The following PXDN variants were observed in gnomAD, a reference collection of about 807,000 sequenced individuals.
The protein encoded by PXDN is peroxidasin homolog.
PXDN carries 77 observed loss-of-function variants against 140.3 expected under a neutral mutation model. That is an observed-to-expected ratio of 0.55 (90% confidence interval 0.46 to 0.66). The LOEUF is 0.66. PXDN is among the 30% of genes least tolerant of loss of function. The pLI is 0.00. For missense variants in PXDN, 1,838 were observed against 2,039.5 expected (o/e 0.90, Z 1.90); for synonymous variants, 911 against 857.4 (o/e 1.06, Z -1.09).
intron 2 of PXDN, among the ~76,000 whole-genome samples, chr2:1,692,738 AAC>A (rs35513437): frequency 0.34 from 51,848 of 152,070 alleles, 9,943 homozygotes; most frequent in Admixed American, 0.44. Flanking sequence ...GAGGTGCAGG[AAC>A]ACACAGAGGT....
intron 7 of PXDN, among the ~76,000 whole-genome samples, chr2:1,679,319 A>C (rs915322054): frequency 5.5e-5 from 6 of 109,550 alleles, no homozygotes; most frequent in African/African-American, 2.2e-4. Context: ...TGTGTCTATA[A>C]ATGGTTTGTG....
At chr2:1,743,012 G>C (rs1217254724) in intron 1 of PXDN, among the ~76,000 whole-genome samples, 1 of 152,252 alleles carries the variant, frequency 6.6e-6, no homozygotes, top group Non-Finnish European at 1.5e-5. Flanking sequence ...TAAGAAACGT[G>C]AAAACTATTT....
chr2:1,685,095 G>A lies in PXDN; in HGVS notation c.417-944C>T, dbSNP rs1038903645. ...GGTCTGTGGACATCCTGAGATCACCGTCACCACCAGGGCACCAGAGTGCGG... is the reference window on the plus strand; with the variant it reads ...GGTCTGTGGACATCCTGAGATCACCATCACCACCAGGGCACCAGAGTGCGG... On this transcript the variant is annotated intron_variant, in intron 4 of 22. Coordinates refer to ENST00000252804, the MANE Select transcript of PXDN (RefSeq NM_012293.3). The surrounding 1 kb of genome is among the most constrained non-coding windows in gnomAD (Gnocchi z 5.1). 1.3e-5 allele frequency among the ~76,000 whole-genome samples: 2 copies of A among 152,332 alleles called. No homozygotes were observed. The highest frequency in any genetic ancestry group is 3.4e-3 in the Middle Eastern group (1 of 294).
intron 1 of PXDN, among the ~76,000 whole-genome samples, chr2:1,708,688 T>A (rs985992752): frequency 3.3e-5 from 5 of 152,098 alleles, no homozygotes; most frequent in African/African-American, 1.2e-4. Context: ...CAGGCCATGG[T>A]GTGACGGAAC....
At chr2:1,656,388 T>C (rs1378980981) in intron 14 of PXDN, among the ~76,000 whole-genome samples, 2 of 152,254 alleles carry the variant, frequency 1.3e-5, no homozygotes, top group African/African-American at 4.8e-5. Context: ...GATTTCATTT[T>C]TCTTCAACAT....
At position 1,687,612 on chromosome 2, in the gene PXDN, C is replaced by T. The variant is rs375244769; in HGVS notation, c.416+20G>A. 4.1e-5 allele frequency: 60 copies of T among 1,470,566 alleles called. No individual in the cohort carries two copies. Among genetic ancestry groups the T allele is most frequent in the South Asian group, 6.1e-5 (5 of 82,558 alleles). 91.1% of individuals were successfully genotyped at this position (1,470,566 alleles called of 1,614,324 possible). A position where few individuals can be genotyped will look rare whatever the true frequency, so the allele number is the denominator to read the frequency against. On this transcript the variant is annotated intron_variant, in intron 4 of 22. Transcript: ENST00000252804. This position sits in a 1 kb window ranked among gnomAD's most constrained non-coding sequence, Gnocchi z 4.0. ...CAGACGGCATCCAAGAACTAAAGCA[C>T]GAAGAGAAGGGGCACTTACAGTTGC...
At chr2:1,658,544 T>G (rs867739086) in intron 14 of PXDN, among the ~76,000 whole-genome samples, 6 of 151,608 alleles carry the variant, frequency 4.0e-5, no homozygotes, top group African/African-American at 1.2e-4. Context: ...CTTCTCCCAC[T>G]TGGCCCAGCA....
At position 1,648,495 on chromosome 2, in the gene PXDN, G is replaced by A. The variant is rs1682911552; in HGVS notation, c.3285C>T (p.His1095=). The A allele has an allele frequency of 6.2e-7, 1 of 1,612,170 alleles. No individual in the cohort carries two copies. Among genetic ancestry groups the A allele is most frequent in the Non-Finnish European group, 8.5e-7 (1 of 1,179,838 alleles). The change falls in exon 17 of 23, where the codon CAC becomes CAT. Residue 1095 remains histidine (H), a synonymous_variant. Coordinates refer to ENST00000252804, the MANE Select transcript of PXDN (RefSeq NM_012293.3). This position sits in a 1 kb window ranked among gnomAD's most constrained non-coding sequence, Gnocchi z 8.9. ...DENFQPIAQD[H]LPLHKAFFSP... Reference sequence around the variant, plus strand: ...AGAAGAAAGCTTTGTGAAGGGGGAGGTGATCTTGTGCAATGGGCTGGAAGT... The same window carrying A: ...AGAAGAAAGCTTTGTGAAGGGGGAGATGATCTTGTGCAATGGGCTGGAAGT...
At position 1,664,983 on chromosome 2, in the gene PXDN, C is replaced by T. The variant is rs374988974; in HGVS notation, c.1383G>A (p.Pro461=). 6.5e-5 allele frequency: 104 copies of T among 1,595,366 alleles called. No individual in the cohort carries two copies. The highest frequency in any genetic ancestry group is 5.5e-5 in the South Asian group (5 of 90,146). The part of the protein sequence containing the change: ...DFQCEAKGNP[P]PVIAWTKGGS... The stretch of plus-strand genomic sequence containing the variant: ...CTCCCTTGGTCCAGGCGATGACGGG[C>T]GGCGGGTTGCCCTTGGCTTCACACT... Residue 461 remains proline, a synonymous_variant, in exon 11 of 23, where the codon CCG becomes CCA. Transcript: ENST00000252804.
chr2:1,736,761 G>A (rs1417199340), intron 1 of PXDN, among the ~76,000 whole-genome samples: 4 of 152,178 alleles, frequency 2.6e-5, no homozygotes, highest in African/African-American at 9.7e-5. Flanking sequence ...GGCTAAGGCA[G>A]GAGGATTACT....
intron 1 of PXDN, among the ~76,000 whole-genome samples, chr2:1,743,548 C>G (rs1248764958): frequency 2.7e-5 from 4 of 149,046 alleles, no homozygotes; most frequent in Non-Finnish European, 4.5e-5. Context: ...ACTGAGGCTC[C>G]TCTGGGGAGG....
chr2:1,652,930 CTGTG>C (rs34590232), intron 16 of PXDN: 72,393 of 149,132 alleles, frequency 0.49, 19,000 homozygotes, highest in Non-Finnish European at 0.62. Context: ...CCTCCGTGCT[CTGTG>C]TGTGTGTGTG....
intron 1 of PXDN, among the ~76,000 whole-genome samples, chr2:1,711,551 T>TCCACCAGCATCCA (rs1684782095): frequency 2.1e-5 from 2 of 93,720 alleles, no homozygotes; most frequent in Non-Finnish European, 4.0e-5. Context: ...CAGCACCCAC[T>TCCACCAGCATCCA]CTCCACCAGC....
Position 1,639,240 on chromosome 2 carries a change from T to G in PXDN, c.4073+62A>C, listed in dbSNP as rs1682653984. 9.6e-6 allele frequency: 15 copies of G among 1,562,872 alleles called. No individual in the cohort carries two copies. Among genetic ancestry groups the G allele is most frequent in the Non-Finnish European group, 1.3e-5 (15 of 1,153,238 alleles). ...GCCCACAGCAGGATGCCGGTCCTACTGCCCGACGCCCGCGGTGCGAGGGCC... is the reference window on the plus strand; with the variant it reads ...GCCCACAGCAGGATGCCGGTCCTACGGCCCGACGCCCGCGGTGCGAGGGCC... On this transcript the variant is annotated intron_variant, in intron 20 of 22. Transcript: ENST00000252804. The surrounding 1 kb of genome is among the most constrained non-coding windows in gnomAD (Gnocchi z 5.0).
chr2:1,653,779 A>G lies in PXDN; in HGVS notation c.1953T>C (p.Pro651=). 1 of 1,571,076 alleles carries G rather than the reference A, an allele frequency of 6.4e-7. No homozygotes were observed. Among genetic ancestry groups the G allele is most frequent in the East Asian group, 2.3e-5 (1 of 42,862 alleles). Residue 651 remains proline (P), a synonymous_variant, in exon 16 of 23, where the codon CCT becomes CCC. Coordinates refer to ENST00000252804, the MANE Select transcript of PXDN (RefSeq NM_012293.3). Reference sequence around the variant, plus strand: ...AGGCCAGCAAATCATTTGGAGAACGAGGACGGCTAACCAGAGTTTAGGGGG... The same window carrying G: ...AGGCCAGCAAATCATTTGGAGAACGGGGACGGCTAACCAGAGTTTAGGGGG... ...STRTHLFDSR[P]RSPNDLLALF...
rs778012127 is a variant in PXDN at position 1,644,954 on chromosome 2, G to GAC, written c.3609-204_3609-203dup. Among the ~76,000 whole-genome samples the GAC allele has an allele frequency of 2.3e-4, 35 of 151,588 alleles. No individual in the cohort carries two copies. In the East Asian group the frequency reaches 2.5e-3, roughly 11 times the overall value. The stretch of plus-strand genomic sequence containing the variant: ...TCCCTACTTTCTATTATATATGTGA[G>GAC]ACACACACACACACAAACGCATTTA... On this transcript the variant is annotated intron_variant, in intron 17 of 22. Coordinates refer to ENST00000252804, the MANE Select transcript of PXDN (RefSeq NM_012293.3).
chr2:1,717,069 T>TA (rs1417283838), intron 1 of PXDN, among the ~76,000 whole-genome samples: 1 of 152,212 alleles, frequency 6.6e-6, no homozygotes, highest in African/African-American at 2.4e-5. Flanking sequence ...GGCTAAGGTC[T>TA]GTATACTGAT....
At chr2:1,692,988 T>G in intron 2 of PXDN, 75 bp downstream of exon 2, 13 of 1,365,834 alleles carry the variant, frequency 9.5e-6, no homozygotes, top group Non-Finnish European at 1.3e-5. Flanking sequence ...TTGTGGATGA[T>G]GAGTTCTACC....
chr2:1,728,339 C>T (rs1369187567), intron 1 of PXDN, among the ~76,000 whole-genome samples: 1 of 152,246 alleles, frequency 6.6e-6, no homozygotes, highest in African/African-American at 2.4e-5. Context: ...CTGGCAGGGT[C>T]CCTGGGCCCT....
Sources: gnomAD v4.1 joint callset for allele counts (sites outside exome capture counted in the v4.1 genomes callset) on GRCh38, gnomAD v4.1.1 for gene constraint, Gnocchi (gnomAD v3.1) non-coding constraint, MANE v1.5 for transcripts, NCBI Gene and HGNC (gene_info 2026-07-23, HGNC 2026-07-21) for gene names.